The following ARMCX4 variants were observed in gnomAD, a reference collection of about 807,000 sequenced individuals.
ARMCX4 encodes armadillo repeat-containing X-linked protein 4.
A neutral mutation model predicts 34.7 loss-of-function variants in ARMCX4; 3 were observed. The ratio of observed to expected loss-of-function variants is 0.09; its 90% CI spans 0.04 to 0.22. The LOEUF (loss-of-function observed/expected upper bound fraction) is 0.22. Among genes scored for constraint, ARMCX4 ranks in the 10% least tolerant of loss-of-function variants. ARMCX4 has a pLI of 1.00. For synonymous variants in ARMCX4, 513 were observed against 632.8 expected (o/e 0.81, Z 2.84); for missense variants, 1,448 against 1,720.8 (o/e 0.84, Z 2.81).
In ARMCX4 at chrX:101,518,164, T is replaced by C. The variant is rs781797450; in HGVS notation, c.*1780+7109T>C. 6.3e-5 allele frequency among the ~76,000 whole-genome samples: 7 copies of C among 111,971 alleles called. No homozygotes were observed. In the South Asian group the frequency reaches 2.2e-3, roughly 35 times the overall value. On this transcript the variant is annotated intron_variant and NMD_transcript_variant, in intron 11 of 12. Transcript: ENST00000354842. ...ACCTAGAAGTCTGTACACAACCAAT[T>C]AATCATTTGTAGTAGTAATATTCTG...
intron 11 of ARMCX4, among the ~76,000 whole-genome samples, chrX:101,520,900 T>A: frequency 9.1e-6 from 1 of 109,989 alleles, no homozygotes; most frequent in East Asian, 2.8e-4. Context: ...TGAGGTTTTT[T>A]TTTAAAAAAA....
intron 2 of ARMCX4, among the ~76,000 whole-genome samples, chrX:101,432,013 G>C (rs1930059787): frequency 1.8e-5 from 2 of 112,224 alleles, no homozygotes; most frequent in African/African-American, 6.5e-5. Context: ...TTGATATTCT[G>C]GCATATTTTC....
At chrX:101,513,335 C>T (rs369828269) in intron 11 of ARMCX4, among the ~76,000 whole-genome samples, 7 of 111,413 alleles carry the variant, frequency 6.3e-5, no homozygotes, top group South Asian at 3.8e-4. Flanking sequence ...TTAAACCATA[C>T]GTAATCTCTA....
intron 2 of ARMCX4, among the ~76,000 whole-genome samples, chrX:101,439,331 G>A (rs12353895): frequency 1.8e-3 from 203 of 111,581 alleles, no homozygotes; most frequent in African/African-American, 6.1e-3. Flanking sequence ...AGTTTCTGCC[G>A]AGAGATCCGC....
chrX:101,485,427 A>C, upstream of ARMCX4: 1 of 489,669 alleles, frequency 2.0e-6, no homozygotes, highest in Non-Finnish European at 2.5e-6. Flanking sequence ...CCGGAGCTGC[A>C]GAGCTACGCA....
chrX:101,471,711 C>G (rs1171652302), intron 4 of ARMCX4, among the ~76,000 whole-genome samples: 1 of 111,405 alleles, frequency 9.0e-6, no homozygotes, highest in Non-Finnish European at 1.9e-5. Context: ...ACACCTCACA[C>G]AGCAGGGTAC....
chrX:101,491,762 C>G lies in ARMCX4; in HGVS notation c.3173C>G (p.Ala1058Gly), dbSNP rs781956101. ...SMSTSEAEAT[A>G]EDEAYAKPEA... ...TCCACTTCTGAGGCAGAAGCCACAG[C>G]AGAAGATGAGGCCTATGCAAAGCCT... Residue 1058 changes from alanine to glycine, a missense_variant, in exon 6 of 6, where the codon GCA becomes GGA. Physicochemically the swap from Ala to Gly is moderately conservative, Grantham distance 60 (BLOSUM62 0). Transcript: ENST00000423738. The G allele has an allele frequency of 8.7e-6, 10 of 1,155,541 alleles. No individual in the cohort carries two copies. Among genetic ancestry groups the G allele is most frequent in the African/African-American group, 1.8e-5 (1 of 56,267 alleles).
intron 4 of ARMCX4, among the ~76,000 whole-genome samples, chrX:101,474,572 C>G (rs1933085359): frequency 9.7e-6 from 1 of 103,289 alleles, no homozygotes; most frequent in African/African-American, 3.6e-5. Context: ...AAAATACTGG[C>G]AAACTGAATC....
chrX:101,453,846 T>C (rs1165296661), intron 4 of ARMCX4, among the ~76,000 whole-genome samples: 3 of 110,350 alleles, frequency 2.7e-5, no homozygotes, highest in Non-Finnish European at 5.7e-5. Context: ...TGATGAGCAA[T>C]GGCAGCCTAG....
At chrX:101,425,885 A>G (rs1335880014) in intron 2 of ARMCX4, among the ~76,000 whole-genome samples, 8 of 111,033 alleles carry the variant, frequency 7.2e-5, no homozygotes, top group African/African-American at 9.8e-5. Flanking sequence ...CAGTGGCACA[A>G]TCACAGCTCA....
chrX:101,485,018 G>A (rs1184688828), upstream of ARMCX4, among the ~76,000 whole-genome samples: 1 of 111,452 alleles, frequency 9.0e-6, no homozygotes, highest in Non-Finnish European at 1.9e-5. Flanking sequence ...TGCAGGCATT[G>A]TACTTAGAGA....
chrX:101,526,044 G>A (rs372476239), intron 11 of ARMCX4, among the ~76,000 whole-genome samples: 1 of 110,929 alleles, frequency 9.0e-6, no homozygotes, highest in Non-Finnish European at 1.9e-5. Flanking sequence ...GATTCACCAA[G>A]GTTGAAATGA....
intron 2 of ARMCX4, among the ~76,000 whole-genome samples, chrX:101,436,312 T>G (rs1462239060): frequency 3.6e-5 from 4 of 111,056 alleles, no homozygotes; most frequent in African/African-American, 1.3e-4. Context: ...TATCCTCTTT[T>G]ATTTCCTTGA....
intron 4 of ARMCX4, among the ~76,000 whole-genome samples, chrX:101,460,351 G>A (rs1556001056): frequency 1.8e-5 from 2 of 112,382 alleles, no homozygotes; most frequent in Admixed American, 1.9e-4. Flanking sequence ...TCTTACCCTG[G>A]GGAGCCTGGT....
At chrX:101,479,867 G>A (rs1933364433) in intron 4 of ARMCX4, among the ~76,000 whole-genome samples, 1 of 110,077 alleles carries the variant, frequency 9.1e-6, no homozygotes, top group Non-Finnish European at 1.9e-5. Flanking sequence ...AAATGCCCAA[G>A]GATATCCAAA....
At chrX:101,526,847 C>G (rs182563770) in intron 11 of ARMCX4, among the ~76,000 whole-genome samples, 70 of 111,393 alleles carry the variant, frequency 6.3e-4, no homozygotes, top group African/African-American at 2.2e-3. Flanking sequence ...CCTTAGAGAC[C>G]TACAAAGAGA....
At position 101,494,045 on chromosome X, in the gene ARMCX4, C is replaced by CTGGGGT. The variant is rs782581498; in HGVS notation, c.5461_5462insTTGGGG (p.Gly1820_Ala1821insValGly). On this transcript the variant is annotated inframe_insertion, in exon 6 of 6. Coordinates refer to ENST00000423738, the MANE Select transcript of ARMCX4 (RefSeq NM_001256155.3). ...GCTGGGGCTGGGGCTGAGGCTGGGG[C>CTGGGGT]TGGGGCTGAGGCTGGGGCTGGGGCT... 3.1e-4 allele frequency: 239 copies of CTGGGGT among 767,780 alleles called. No homozygotes were observed. Among genetic ancestry groups the CTGGGGT allele is most frequent in the East Asian group, 3.4e-4 (9 of 26,361 alleles). 63.3% of individuals were successfully genotyped at this position (767,780 alleles called of 1,213,427 possible). A position where few individuals can be genotyped will look rare whatever the true frequency, so the allele number is the denominator to read the frequency against.
In ARMCX4 at chrX:101,488,501, C is replaced by G. The variant is rs781864269; in HGVS notation, c.-89C>G. On this transcript the variant is annotated 5_prime_UTR_variant, in exon 6 of 6. Transcript: ENST00000423738. ...GAGTGGCTGAAGACCAGCACCCTCA[C>G]AGGCCTACACCCACAACTACCACTC... 1.8e-5 allele frequency: 21 copies of G among 1,141,371 alleles called. No homozygotes were observed. In the African/African-American group the frequency reaches 2.5e-4, roughly 14 times the overall value. The allele number at this position is 1,141,371 out of a possible 1,213,427, so 94.1% of individuals were successfully genotyped here. A position where few individuals can be genotyped will look rare whatever the true frequency, so the allele number is the denominator to read the frequency against.
At chrX:101,480,636 T>C (rs949986930), upstream of ARMCX4, among the ~76,000 whole-genome samples, 7 of 111,481 alleles carry the variant, frequency 6.3e-5, no homozygotes, top group African/African-American at 2.3e-4. Context: ...AGAAAATATA[T>C]GTACAACCTA....
Sources: gnomAD v4.1 joint callset for allele counts (sites outside exome capture counted in the v4.1 genomes callset) on GRCh38, gnomAD v4.1.1 for gene constraint, MANE v1.5 for transcripts, NCBI Gene and HGNC (gene_info 2026-07-23, HGNC 2026-07-21) for gene names.